GLB1L3: variants seen among roughly 807,000 people sequenced by gnomAD.
GLB1L3 encodes the protein galactosidase beta 1 like 3, also known as beta-galactosidase-1-like protein 3.
Under a neutral mutation model 89.5 loss-of-function variants are expected in GLB1L3, and 89 were observed. That is an observed-to-expected ratio of 0.99 (90% CI 0.84 to 1.19). The LOEUF (loss-of-function observed/expected upper bound fraction) is 1.19. Among genes scored for constraint, GLB1L3 ranks in the 50% most tolerant of loss-of-function variants. The pLI is 0.00. For synonymous variants in GLB1L3, 314 were observed against 312.3 expected, an observed-to-expected ratio of 1.01 and a Z score of -0.06; for missense variants, 812 against 813.3, an observed-to-expected ratio of 1.00 and a Z score of 0.02.
chr11:134,277,550 CAT>C (rs942673810), intron 2 of GLB1L3, 99 bp downstream of exon 2: 4 of 1,533,226 alleles, frequency 2.6e-6, no homozygotes, highest in Non-Finnish European at 3.6e-6. Context: ...GTCCTACTAA[CAT>C]ATGCACAGAA....
intron 9 of GLB1L3, among the ~76,000 whole-genome samples, chr11:134,301,520 C>G (rs1202042641): frequency 6.6e-6 from 1 of 152,058 alleles, no homozygotes; most frequent in Non-Finnish European, 1.5e-5. Flanking sequence ...TTTACTCTGT[C>G]TTAACATTCT....
chr11:134,287,562 C>T (rs919261238), intron 6 of GLB1L3, among the ~76,000 whole-genome samples: 3 of 152,208 alleles, frequency 2.0e-5, no homozygotes, highest in Middle Eastern at 3.2e-3. Context: ...GAAGTCTCAC[C>T]CTTCGGGTTG....
chr11:134,301,402 C>G (rs1565406581), intron 9 of GLB1L3, among the ~76,000 whole-genome samples: 1 of 152,164 alleles, frequency 6.6e-6, no homozygotes, highest in African/African-American at 2.4e-5. Flanking sequence ...TTCACTCAAA[C>G]TAAAATATAA....
Position 134,307,044 on chromosome 11 carries a change from C to T in GLB1L3, c.877-80C>T. On this transcript the variant is annotated intron_variant, in intron 9 of 19. Coordinates refer to ENST00000431683, the MANE Select transcript of GLB1L3 (RefSeq NM_001080407.3). ...GGAGAAACGCATGAGTTCCTTAGTT[C>T]CCATCTATTGCATTCAGGTTTTCTG... is the stretch of plus-strand genomic sequence containing the variant. 3.3e-6 allele frequency: 3 copies of T among 921,276 alleles called. No individual in the cohort carries two copies. In the South Asian group the frequency reaches 4.5e-5, roughly 14 times the overall value. The allele number at this position is 921,276 out of a possible 1,614,324, so 57.1% of individuals were successfully genotyped here. A position where few individuals can be genotyped will look rare whatever the true frequency, so the allele number is the denominator to read the frequency against.
At chr11:134,299,189 A>C (rs944614017) in intron 9 of GLB1L3, among the ~76,000 whole-genome samples, 2 of 151,692 alleles carry the variant, frequency 1.3e-5, no homozygotes, top group Non-Finnish European at 2.9e-5. Context: ...CTTTCAGCCA[A>C]AATTATCTAT....
At chr11:134,308,069 CAAT>C (rs1334640684) in intron 10 of GLB1L3, among the ~76,000 whole-genome samples, 5 of 151,620 alleles carry the variant, frequency 3.3e-5, no homozygotes, top group East Asian at 1.9e-4. Flanking sequence ...ATAACACCAA[CAAT>C]AATACCATCA....
intron 14 of GLB1L3, 58 bp downstream of exon 14, chr11:134,312,547 G>C: frequency 6.3e-7 from 1 of 1,585,136 alleles, no homozygotes; most frequent in Non-Finnish European, 8.6e-7. Flanking sequence ...CCATGCTGTC[G>C]GGCAGGGTAG....
intron 9 of GLB1L3, among the ~76,000 whole-genome samples, chr11:134,306,672 G>A (rs1942219897): frequency 6.6e-6 from 1 of 152,224 alleles, no homozygotes; most frequent in Non-Finnish European, 1.5e-5. Context: ...GCCTACTGTA[G>A]AGGAGGTGTC....
downstream of GLB1L3, among the ~76,000 whole-genome samples, chr11:134,324,252 T>C (rs1459837536): frequency 6.6e-6 from 1 of 152,202 alleles, no homozygotes; most frequent in Admixed American, 6.5e-5. Context: ...TGCCCAAATA[T>C]CTGATATACA....
rs144838306 is a variant in GLB1L3, at chr11:134,304,977, G to T, written c.877-2147G>T. 1.0e-4 allele frequency: 70 copies of T among 693,138 alleles called. 1 individual carries two copies. The East Asian group carries it at 2.2e-3, about 22-fold the overall frequency. The allele number at this position is 693,138 out of a possible 1,614,324, so 42.9% of individuals were successfully genotyped here. A position where few individuals can be genotyped will look rare whatever the true frequency, so the allele number is the denominator to read the frequency against. On this transcript the variant is annotated intron_variant, in intron 9 of 19. Coordinates refer to ENST00000431683, the MANE Select transcript of GLB1L3 (RefSeq NM_001080407.3). ...TTGGCTCAAGGACTCAAGAGAAGTT[G>T]CTGTGAGAGCCCGCATGCGACTGCG...
chr11:134,292,085 C>A, intron 7 of GLB1L3, 47 bp from the exon 8 acceptor site: 1 of 1,387,524 alleles, frequency 7.2e-7, no homozygotes, highest in Non-Finnish European at 1.0e-6. Context: ...TCTTTTTTCC[C>A]ATGGGAATGA....
rs531947064 is a variant in GLB1L3, at chr11:134,278,413, C to T, written c.362+501C>T. On this transcript the variant is annotated intron_variant, in intron 3 of 19. Transcript: ENST00000431683. ...GATCCTCCTGCCTCAGCCTCCTGAA[C>T]AGCTGGGGCCACAGGTGCATGCCAC... 4.6e-5 allele frequency among the ~76,000 whole-genome samples: 7 copies of T among 152,186 alleles called. No individual in the cohort carries two copies. In the South Asian group the frequency reaches 1.5e-3, roughly 32 times the overall value.
At chr11:134,294,699 C>G (rs1460523526) in intron 9 of GLB1L3, among the ~76,000 whole-genome samples, 1 of 152,204 alleles carries the variant, frequency 6.6e-6, no homozygotes, top group Admixed American at 6.5e-5. Context: ...ATAAATTTAC[C>G]TTTTCTAGAC....
intron 8 of GLB1L3, 73 bp downstream of exon 8, chr11:134,292,286 G>T: frequency 9.2e-6 from 10 of 1,091,046 alleles, no homozygotes; most frequent in Non-Finnish European, 1.2e-5. Context: ...ACACACTGCA[G>T]AGAAAACCAA....
At chr11:134,291,613 A>G (rs1209420290) in intron 7 of GLB1L3, among the ~76,000 whole-genome samples, 1 of 152,196 alleles carries the variant, frequency 6.6e-6, no homozygotes. Context: ...AATAGTTGCT[A>G]TATAGTACTC....
downstream of GLB1L3, among the ~76,000 whole-genome samples, chr11:134,321,883 C>CGT (rs201043087): frequency 0.02 from 3,022 of 151,382 alleles, 51 homozygotes; most frequent in Middle Eastern, 0.054. Flanking sequence ...CAAACCTGCA[C>CGT]GTTGTGCACA....
In GLB1L3 at chr11:134,305,083, C is replaced by T. The variant is rs1278550023; in HGVS notation, c.877-2041C>T. ...AGGCAGGGATGAATTCTTATCTTTACCCATCTTCCTTTTTGCTTTCTCTCC... is the reference window on the plus strand; with the variant it reads ...AGGCAGGGATGAATTCTTATCTTTATCCATCTTCCTTTTTGCTTTCTCTCC... On this transcript the variant is annotated intron_variant, in intron 9 of 19. Transcript: ENST00000431683. The T allele has an allele frequency of 5.2e-6, 8 of 1,547,776 alleles. No homozygotes were observed. The Admixed American group carries it at 1.4e-4, about 27-fold the overall frequency.
At chr11:134,314,515 G>A in intron 18 of GLB1L3, 74 bp downstream of exon 18, 2 of 939,634 alleles carry the variant, frequency 2.1e-6, no homozygotes, top group Non-Finnish European at 3.4e-6. Context: ...AGCAAAGCCA[G>A]CGTTCCTGGA....
intron 9 of GLB1L3, among the ~76,000 whole-genome samples, chr11:134,304,216 G>T (rs75074762): frequency 6.6e-6 from 1 of 152,022 alleles, no homozygotes; most frequent in East Asian, 1.9e-4. Flanking sequence ...GTACATTTTT[G>T]TCTACTTATG....
Sources: allele counts gnomAD v4.1 joint callset (sites outside exome capture counted in the v4.1 genomes callset), GRCh38; gene constraint gnomAD v4.1.1; transcripts MANE v1.5; gene names NCBI Gene and HGNC (gene_info 2026-07-23, HGNC 2026-07-21).